Variants in WWTR1 observed in about 807,000 individuals in gnomAD.
WWTR1 encodes WW domain-containing transcription regulator protein 1.
In WWTR1, 13 loss-of-function variants were observed where a neutral mutation model predicts 40.1. The observed-to-expected ratio is 0.32, with a 90% CI of 0.21 to 0.52. WWTR1 has a LOEUF of 0.52. WWTR1 is among the 20% of genes least tolerant of loss of function. The pLI is 0.97. For synonymous variants in WWTR1, 230 were observed against 210.1 expected (o/e 1.09, Z -0.82); for missense variants, 436 against 523.1 (o/e 0.83, Z 1.63).
At chr3:149,535,368 G>T (rs2107924141) in intron 4 of WWTR1, among the ~76,000 whole-genome samples, 1 of 152,122 alleles carries the variant, frequency 6.6e-6, no homozygotes, top group Non-Finnish European at 1.5e-5. Context: ...CTTTACGGGG[G>T]ACGGCGGGGG....
chr3:149,566,922 G>T (rs1737352986), intron 3 of WWTR1, among the ~76,000 whole-genome samples: 1 of 152,088 alleles, frequency 6.6e-6, no homozygotes, highest in African/African-American at 2.4e-5. Flanking sequence ...AAAGGGGTAA[G>T]TAAGTGCGTG....
Position 149,526,000 on chromosome 3 carries a change from G to T in WWTR1, c.1018+13C>A, listed in dbSNP as rs1028104235. 6 of 1,534,056 alleles carry T rather than the reference G, an allele frequency of 3.9e-6. No homozygotes were observed. The African/African-American group carries it at 6.9e-5, about 18-fold the overall frequency. On this transcript the variant is annotated intron_variant, in intron 6 of 6. Coordinates refer to ENST00000360632, the MANE Select transcript of WWTR1 (RefSeq NM_015472.6). ...ACAAACCCATTGTAAGTGCTTGCAG[G>T]CTTTGCTCCTACCTGTATCCATCTC...
chr3:149,662,656 G>A (rs1713635815), upstream of WWTR1, among the ~76,000 whole-genome samples: 1 of 152,030 alleles, frequency 6.6e-6, no homozygotes, highest in African/African-American at 2.4e-5. Context: ...CTGTTTTCTG[G>A]TCTCCTTCTT....
intron 3 of WWTR1, among the ~76,000 whole-genome samples, chr3:149,545,230 C>A (rs1478549517): frequency 1.3e-5 from 2 of 152,136 alleles, no homozygotes; most frequent in South Asian, 4.1e-4. Flanking sequence ...GGAAAAGTTC[C>A]CTTAAGTACA....
At chr3:149,661,667 G>A (rs57730638), upstream of WWTR1, among the ~76,000 whole-genome samples, 4,439 of 151,034 alleles carry the variant, frequency 0.029, 214 homozygotes, top group African/African-American at 0.1. Flanking sequence ...CAAGTGATCC[G>A]CCCACCTTGG....
intron 1 of WWTR1, among the ~76,000 whole-genome samples, chr3:149,684,268 G>C (rs551905796): frequency 6.6e-6 from 1 of 151,892 alleles, no homozygotes; most frequent in Non-Finnish European, 1.5e-5. Flanking sequence ...ATGCCCTTCC[G>C]CCTCAGCCTC....
intron 2 of WWTR1, among the ~76,000 whole-genome samples, chr3:149,587,456 G>A (rs926149035): frequency 2.6e-5 from 4 of 152,116 alleles, no homozygotes; most frequent in Non-Finnish European, 4.4e-5. Context: ...GGGAAGCGCC[G>A]GCAGATGATT....
chr3:149,631,363 C>T (rs1039055341), intron 2 of WWTR1, among the ~76,000 whole-genome samples: 1 of 152,054 alleles, frequency 6.6e-6, no homozygotes, highest in Non-Finnish European at 1.5e-5. Flanking sequence ...CCAAAATTGT[C>T]GGGTTCCTTG....
At chr3:149,665,866 G>A (rs1713793907) in intron 2 of WWTR1, among the ~76,000 whole-genome samples, 1 of 152,112 alleles carries the variant, frequency 6.6e-6, no homozygotes, top group Non-Finnish European at 1.5e-5. Flanking sequence ...ACTCTCAGAA[G>A]TACAAACCAT....
At chr3:149,558,476 C>T (rs1736943095) in intron 3 of WWTR1, among the ~76,000 whole-genome samples, 1 of 152,170 alleles carries the variant, frequency 6.6e-6, no homozygotes, top group Non-Finnish European at 1.5e-5. Context: ...CCACATATTT[C>T]ATTAGCTTTA....
At chr3:149,636,106 G>C (rs1228681206) in intron 2 of WWTR1, among the ~76,000 whole-genome samples, 3 of 152,182 alleles carry the variant, frequency 2.0e-5, no homozygotes, top group Admixed American at 6.5e-5. Flanking sequence ...CCAGGAGAAT[G>C]AATTTTCCTG....
At position 149,540,095 on chromosome 3, in the gene WWTR1, C is replaced by T. The variant is rs1223818436; in HGVS notation, c.771+2240G>A. The T allele has an allele frequency of 2.2e-5, 9 of 408,424 alleles. No individual in the cohort carries two copies. The East Asian group carries it at 4.4e-4, about 20-fold the overall frequency. 25.3% of individuals were successfully genotyped at this position (408,424 alleles called of 1,614,324 possible). ...CCTCCTAACTACACACACACACACA[C>T]ACACACACACACACACACACACACA... On this transcript the variant is annotated intron_variant, in intron 4 of 6. Transcript: ENST00000360632.
rs1044840974 is a variant in WWTR1 at position 149,584,688 on chromosome 3, G to A, written c.432-11688C>T. On this transcript the variant is annotated intron_variant, in intron 2 of 6. Transcript: ENST00000360632. Reference sequence around the variant, plus strand: ...AACCCAGCCTACAATGTTTCTTTACGTGTATTTCTTGGCATCTTCAGTCGA... The same window carrying A: ...AACCCAGCCTACAATGTTTCTTTACATGTATTTCTTGGCATCTTCAGTCGA... Among the ~76,000 whole-genome samples the A allele has an allele frequency of 9.2e-5, 14 of 152,272 alleles. 1 individual carries two copies. The highest frequency in any genetic ancestry group is 5.8e-4 in the East Asian group (3 of 5,176).
chr3:149,652,686 G>T (rs1463835999), intron 2 of WWTR1, among the ~76,000 whole-genome samples: 1 of 94,906 alleles, frequency 1.1e-5, no homozygotes, highest in Non-Finnish European at 2.2e-5. Context: ...TTTAAAAAAG[G>T]TGACCTAACA....
chr3:149,539,964 A>G (rs910281696), intron 4 of WWTR1, among the ~76,000 whole-genome samples: 1 of 152,086 alleles, frequency 6.6e-6, no homozygotes. Context: ...TGCATGGGGA[A>G]AAAATCTGCC....
intron 2 of WWTR1, among the ~76,000 whole-genome samples, chr3:149,579,715 ACTGT>A (rs1194195665): frequency 6.6e-6 from 1 of 152,204 alleles, no homozygotes; most frequent in Admixed American, 6.5e-5. Context: ...GTATAAGCAA[ACTGT>A]CTTATTTCAG....
intron 4 of WWTR1, among the ~76,000 whole-genome samples, chr3:149,538,656 A>G (rs538269178): frequency 3.3e-5 from 5 of 152,304 alleles, no homozygotes; most frequent in Non-Finnish European, 7.4e-5. Context: ...TTTGATCCTA[A>G]TTCTGTAGCC....
intron 2 of WWTR1, among the ~76,000 whole-genome samples, chr3:149,669,341 CAGCAGTGGGT>C (rs1559835781): frequency 6.6e-6 from 1 of 152,216 alleles, no homozygotes; most frequent in East Asian, 1.9e-4. Context: ...GCAGCCTGGG[CAGCAGTGGGT>C]AGCTAGTCTG....
At chr3:149,558,164 C>T (rs1300834978) in intron 3 of WWTR1, among the ~76,000 whole-genome samples, 1 of 152,024 alleles carries the variant, frequency 6.6e-6, no homozygotes, top group Non-Finnish European at 1.5e-5. Context: ...AAGCAGTACA[C>T]CTGCCAGTCT....
Sources: allele counts gnomAD v4.1 joint callset (sites outside exome capture counted in the v4.1 genomes callset), GRCh38; gene constraint gnomAD v4.1.1; transcripts MANE v1.5; gene names NCBI Gene and HGNC (gene_info 2026-07-23, HGNC 2026-07-21).